Variants in ADGRL3 observed in about 807,000 individuals in gnomAD.
The protein encoded by ADGRL3 is adhesion G protein-coupled receptor L3, also known as calcium-independent alpha-latrotoxin receptor 3.
Under a neutral mutation model 153.5 loss-of-function variants are expected in ADGRL3, and 62 were observed. The ratio of observed to expected loss-of-function variants is 0.40; its 90% CI spans 0.33 to 0.50. The LOEUF (loss-of-function observed/expected upper bound fraction) is 0.50. Among genes scored for constraint, ADGRL3 ranks in the 20% least tolerant of loss-of-function variants. ADGRL3 has a pLI of 0.47. For synonymous variants in ADGRL3, 710 were observed against 672.5 expected (o/e 1.06, Z -0.86); for missense variants, 1,641 against 1,859.4 (o/e 0.88, Z 2.16).
intron 21 of ADGRL3, among the ~76,000 whole-genome samples, chr4:62,017,977 C>T (rs1404509262): frequency 6.6e-6 from 1 of 151,948 alleles, no homozygotes; most frequent in Non-Finnish European, 1.5e-5. Context: ...CCCAGCCTCC[C>T]GGGTTCAAGT....
At chr4:61,273,935 G>A (rs1357035485) in intron 1 of ADGRL3, among the ~76,000 whole-genome samples, 3 of 152,110 alleles carry the variant, frequency 2.0e-5, no homozygotes, top group South Asian at 2.1e-4. Context: ...ACTATTAATA[G>A]CTTGAAAACT....
intron 15 of ADGRL3, among the ~76,000 whole-genome samples, chr4:61,938,862 CAAAAAAA>C (rs71213019): frequency 1.5e-4 from 11 of 71,520 alleles, no homozygotes; most frequent in African/African-American, 5.2e-4. Context: ...CCCTCCTCCT[CAAAAAAA>C]AAAAAAAAAA....
intron 8 of ADGRL3, among the ~76,000 whole-genome samples, chr4:61,785,356 G>C (rs535933496): frequency 7.2e-5 from 11 of 152,236 alleles, no homozygotes; most frequent in African/African-American, 2.6e-4. Context: ...CCAAAGTGAT[G>C]CAAAATTGGC....
intron 8 of ADGRL3, among the ~76,000 whole-genome samples, chr4:61,754,940 G>A (rs1304200068): frequency 2.6e-5 from 4 of 152,116 alleles, no homozygotes; most frequent in Non-Finnish European, 5.9e-5. Flanking sequence ...CCCTACAAAG[G>A]ACATGAACTC....
At chr4:61,767,134 T>C (rs2096996074) in intron 8 of ADGRL3, among the ~76,000 whole-genome samples, 1 of 151,802 alleles carries the variant, frequency 6.6e-6, no homozygotes, top group Non-Finnish European at 1.5e-5. Context: ...AGGTATCTTA[T>C]ACTTGTGGGT....
At chr4:61,583,094 C>T (rs1055408732) in intron 4 of ADGRL3, among the ~76,000 whole-genome samples, 27 of 151,990 alleles carry the variant, frequency 1.8e-4, no homozygotes, top group African/African-American at 6.5e-4. Context: ...GGCTACTTGC[C>T]TCTTAGACTA....
chr4:61,589,731 A>G (rs1203311604), intron 5 of ADGRL3, among the ~76,000 whole-genome samples: 2 of 152,198 alleles, frequency 1.3e-5, no homozygotes, highest in South Asian at 2.1e-4. Context: ...AGAGTGATGC[A>G]GTAGACAGAT....
chr4:61,466,028 A>G (rs1021569499), intron 2 of ADGRL3, among the ~76,000 whole-genome samples: 5 of 151,854 alleles, frequency 3.3e-5, no homozygotes, highest in Non-Finnish European at 4.4e-5. Context: ...AGGCTGAGAC[A>G]GGAGAATCAC....
chr4:61,615,325 T>C (rs2091872780), intron 5 of ADGRL3, among the ~76,000 whole-genome samples: 1 of 152,128 alleles, frequency 6.6e-6, no homozygotes, highest in South Asian at 2.1e-4. Flanking sequence ...CCTTCAAAAG[T>C]TCACAGTCGA....
chr4:61,822,483 A>G (rs2097765016), intron 9 of ADGRL3, among the ~76,000 whole-genome samples: 1 of 152,174 alleles, frequency 6.6e-6, no homozygotes, highest in Admixed American at 6.5e-5. Context: ...TTATAATACT[A>G]ATAGAATGTG....
chr4:61,908,339 G>A (rs2098705812), intron 11 of ADGRL3, among the ~76,000 whole-genome samples: 2 of 152,288 alleles, frequency 1.3e-5, no homozygotes, highest in South Asian at 4.1e-4. Flanking sequence ...GCTCATGCCT[G>A]TAATCCCATC....
At chr4:61,609,382 C>T (rs987553479) in intron 5 of ADGRL3, among the ~76,000 whole-genome samples, 2 of 152,010 alleles carry the variant, frequency 1.3e-5, no homozygotes. Context: ...GGACTACACC[C>T]TAAAGACTAT....
At chr4:61,976,708 C>T (rs1004041780) in intron 17 of ADGRL3, among the ~76,000 whole-genome samples, 5 of 152,158 alleles carry the variant, frequency 3.3e-5, no homozygotes, top group African/African-American at 1.2e-4. Context: ...CACAAATTCT[C>T]TCTTGCCTGC....
intron 3 of ADGRL3, among the ~76,000 whole-genome samples, chr4:61,501,614 T>C (rs2098387782): frequency 6.6e-6 from 1 of 152,176 alleles, no homozygotes; most frequent in Non-Finnish European, 1.5e-5. Flanking sequence ...ATAAAATTAT[T>C]CTCACTATGT....
intron 1 of ADGRL3, among the ~76,000 whole-genome samples, chr4:61,260,321 A>C (rs2092402104): frequency 6.6e-6 from 1 of 152,158 alleles, no homozygotes; most frequent in Non-Finnish European, 1.5e-5. Context: ...GACATGAAAA[A>C]CCAAGAATGT....
intron 8 of ADGRL3, among the ~76,000 whole-genome samples, chr4:61,771,780 A>G (rs1327606766): frequency 3.2e-5 from 3 of 94,902 alleles, no homozygotes; most frequent in African/African-American, 7.4e-5. Flanking sequence ...ATCAAAATCA[A>G]TAAGCCTTTT....
chr4:61,976,953 A>T (rs1057382339), intron 17 of ADGRL3, among the ~76,000 whole-genome samples: 1 of 152,124 alleles, frequency 6.6e-6, no homozygotes, highest in Non-Finnish European at 1.5e-5. Flanking sequence ...AGTGTCATGG[A>T]CATATAGGTG....
At chr4:61,414,814 G>A (rs371014322) in intron 2 of ADGRL3, among the ~76,000 whole-genome samples, 2 of 151,826 alleles carry the variant, frequency 1.3e-5, no homozygotes, top group South Asian at 2.1e-4. Flanking sequence ...TTAGTGTCTT[G>A]TAAAGGACAT....
intron 8 of ADGRL3, among the ~76,000 whole-genome samples, chr4:61,755,840 C>A (rs982798544): frequency 6.6e-6 from 1 of 152,168 alleles, no homozygotes; most frequent in African/African-American, 2.4e-5. Flanking sequence ...CTACATATGG[C>A]TAGCCAGTTT....
Sources: allele counts gnomAD v4.1 joint callset (sites outside exome capture counted in the v4.1 genomes callset), GRCh38; gene constraint gnomAD v4.1.1; transcripts MANE v1.5; gene names NCBI Gene and HGNC (gene_info 2026-07-23, HGNC 2026-07-21).